DENND3: variants seen among roughly 807,000 people sequenced by gnomAD.
The protein encoded by DENND3 is DENN domain containing 3.
Under a neutral mutation model 135.1 loss-of-function variants are expected in DENND3, and 88 were observed. The ratio of observed to expected loss-of-function variants is 0.65; its 90% CI spans 0.55 to 0.78. The LOEUF (loss-of-function observed/expected upper bound fraction) is 0.78. Among genes scored for constraint, DENND3 ranks in the 30% least tolerant of loss-of-function variants. The pLI is 0.00. For synonymous variants in DENND3, 693 were observed against 712.3 expected (o/e 0.97, Z 0.43); for missense variants, 1,392 against 1,688.4 (o/e 0.82, Z 3.08).
Position 141,167,902 on chromosome 8 carries a change from G to T in DENND3, c.1754-102G>T. ...AGCACACCCATTCTCATTTTATTTTGCATCCAGAGAAACATTGTCCTTGAC... is the reference window on the plus strand; with the variant it reads ...AGCACACCCATTCTCATTTTATTTTTCATCCAGAGAAACATTGTCCTTGAC... On this transcript the variant is annotated intron_variant, in intron 12 of 22. Transcript: ENST00000519811. This position sits in a 1 kb window ranked among gnomAD's most constrained non-coding sequence, Gnocchi z 4.1. The T allele has an allele frequency of 6.8e-7, 1 of 1,472,582 alleles. No homozygotes were observed. The highest frequency in any genetic ancestry group is 9.2e-7 in the Non-Finnish European group (1 of 1,092,090). The allele number at this position is 1,472,582 out of a possible 1,614,324, so 91.2% of individuals were successfully genotyped here. A position where few individuals can be genotyped will look rare whatever the true frequency, so the allele number is the denominator to read the frequency against.
chr8:141,184,777 G>C, intron 17 of DENND3: 1 of 188,438 alleles, frequency 5.3e-6, no homozygotes, highest in South Asian at 1.4e-4. Context: ...CTCCCTCCCT[G>C]CCTCCCTCCC....
intron 10 of DENND3, among the ~76,000 whole-genome samples, chr8:141,164,233 G>A (rs1820492375): frequency 6.6e-6 from 1 of 152,202 alleles, no homozygotes; most frequent in Admixed American, 6.5e-5. Context: ...TTTTTTGCTA[G>A]GAATGTCCCG....
chr8:141,172,749 T>G (rs551175574), intron 13 of DENND3, among the ~76,000 whole-genome samples: 25 of 152,246 alleles, frequency 1.6e-4, no homozygotes, highest in African/African-American at 6.0e-4. Context: ...AACAAGTGCT[T>G]CTGCCTTAAA....
intron 5 of DENND3, among the ~76,000 whole-genome samples, chr8:141,149,796 A>G (rs961456129): frequency 2.0e-5 from 3 of 152,226 alleles, no homozygotes; most frequent in African/African-American, 7.2e-5. Flanking sequence ...CAACATTATA[A>G]CAAAACGATG....
Position 141,167,850 on chromosome 8 carries a change from G to C in DENND3, c.1754-154G>C, listed in dbSNP as rs1821007440. ...AGGGTTCTCTCATGCCTCCCAGGGGGGTGGGTGTGTGGAGCTTTCTGGAGG... is the reference window on the plus strand; with the variant it reads ...AGGGTTCTCTCATGCCTCCCAGGGGCGTGGGTGTGTGGAGCTTTCTGGAGG... On this transcript the variant is annotated intron_variant, in intron 12 of 22. Transcript: ENST00000519811. The surrounding 1 kb of genome is among the most constrained non-coding windows in gnomAD (Gnocchi z 4.1). Among the ~76,000 whole-genome samples the C allele has an allele frequency of 6.6e-6, 1 of 152,148 alleles. No individual in the cohort carries two copies. Among genetic ancestry groups the C allele is most frequent in the Admixed American group, 6.5e-5 (1 of 15,276 alleles).
rs1477172881 is a variant in DENND3 at position 141,168,319 on chromosome 8, G to A, written c.2069G>A (p.Gly690Glu). ...TCCATGTCTGCCCCTGAGTGGGAGG[G>A]GGCTGAGCAGGCGCCGGAGCTGATG... ...VESMSAPEWE[G>E]AEQAPELMRL... Residue 690 changes from glycine (G) to glutamate (E), a missense_variant, in exon 13 of 23, where the codon GGG (glycine) becomes GAG (glutamate). Gly to Glu is a moderately conservative substitution (Grantham distance 98). Coordinates refer to ENST00000519811, the MANE Select transcript of DENND3 (RefSeq NM_001352890.3). This position sits in a 1 kb window ranked among gnomAD's most constrained non-coding sequence, Gnocchi z 6.2. The A allele has an allele frequency of 6.2e-7, 1 of 1,614,032 alleles. No individual in the cohort carries two copies. The highest frequency in any genetic ancestry group is 8.5e-7 in the Non-Finnish European group (1 of 1,180,022).
At chr8:141,190,869 G>A (rs1460452640) in intron 20 of DENND3, among the ~76,000 whole-genome samples, 1 of 152,214 alleles carries the variant, frequency 6.6e-6, no homozygotes, top group African/African-American at 2.4e-5. Context: ...ACTCTCCGTG[G>A]ACCCAGACTG....
At position 141,166,187 on chromosome 8, in the gene DENND3, C is replaced by A. The variant is rs775184886; in HGVS notation, c.1554-3C>A. On this transcript the variant is annotated splice_region_variant and splice_polypyrimidine_tract_variant and intron_variant, in intron 11 of 22. Transcript: ENST00000519811. This position sits in a 1 kb window ranked among gnomAD's most constrained non-coding sequence, Gnocchi z 4.3. ...ACTAACGCGTTGCTTTTTCGTACCC[C>A]AGAATAAATGGAATGCTTCTAAGTC... The A allele has an allele frequency of 6.2e-7, 1 of 1,613,674 alleles. No individual in the cohort carries two copies. Among genetic ancestry groups the A allele is most frequent in the South Asian group, 1.1e-5 (1 of 90,994 alleles).
At position 141,128,962 on chromosome 8, in the gene DENND3, C is replaced by A. The variant is rs1316299583; in HGVS notation, c.102+153C>A. On this transcript the variant is annotated intron_variant, in intron 1 of 22. Transcript: ENST00000519811. This position sits in a 1 kb window ranked among gnomAD's most constrained non-coding sequence, Gnocchi z 4.5. ...GGCGGTGACCCCGCGCGCCTGTGGCCGGGGATCGCGCCCGAGCTCAGGCAG... is the reference window on the plus strand; with the variant it reads ...GGCGGTGACCCCGCGCGCCTGTGGCAGGGGATCGCGCCCGAGCTCAGGCAG... 6.6e-6 allele frequency among the ~76,000 whole-genome samples: 1 copy of A among 152,200 alleles called. No individual in the cohort carries two copies. Among genetic ancestry groups the A allele is most frequent in the African/African-American group, 2.4e-5 (1 of 41,452 alleles).
At position 141,175,608 on chromosome 8, in the gene DENND3, C is replaced by A; in HGVS notation, c.2535+149C>A. The stretch of plus-strand genomic sequence containing the variant: ...ATGCCTTCCTGTCCCTCAGTTTGCT[C>A]ATCTGTAAAGTAGGAATAAGGCTGA... On this transcript the variant is annotated intron_variant, in intron 14 of 22. Transcript: ENST00000519811. The surrounding 1 kb of genome is among the most constrained non-coding windows in gnomAD (Gnocchi z 5.4). 8.0e-7 allele frequency: 1 copy of A among 1,251,672 alleles called. No individual in the cohort carries two copies. Among genetic ancestry groups the A allele is most frequent in the Non-Finnish European group, 1.1e-6 (1 of 879,688 alleles). The allele number at this position is 1,251,672 out of a possible 1,614,324, so 77.5% of individuals were successfully genotyped here.
rs371901115 is a variant in DENND3, at chr8:141,136,649, G to A, written c.243G>A (p.Met81Ile). The A allele has an allele frequency of 1.3e-5, 21 of 1,612,550 alleles. No individual in the cohort carries two copies. In the South Asian group the frequency reaches 1.4e-4, roughly 11 times the overall value. The change falls in exon 2 of 23, where the codon ATG (methionine) becomes ATA (isoleucine). Residue 81 changes from methionine (M) to isoleucine (I), a missense_variant. Physicochemically the swap from Met to Ile is conservative, Grantham distance 10. Coordinates refer to ENST00000519811, the MANE Select transcript of DENND3 (RefSeq NM_001352890.3). ...ANCGTLGKTR[M>I]RSLRKKREKP... ...GCGGCACTCTCGGTAAAACCCGGAT[G>A]CGCTCCTTGAGAAAGAAGAGAGAGA...
chr8:141,161,725 G>A (rs1820148410), intron 9 of DENND3, among the ~76,000 whole-genome samples: 1 of 152,090 alleles, frequency 6.6e-6, no homozygotes, highest in Non-Finnish European at 1.5e-5. Context: ...TCCGCTTTGG[G>A]AGGTGGTTAG....
At chr8:141,159,039 T>C (rs1819802530) in intron 8 of DENND3, among the ~76,000 whole-genome samples, 1 of 152,248 alleles carries the variant, frequency 6.6e-6, no homozygotes, top group African/African-American at 2.4e-5. Flanking sequence ...GCCAGTTTGG[T>C]GCTGGTAAAC....
rs1024851938 is a variant in DENND3, at chr8:141,146,127, T to A, written c.735+1868T>A. On this transcript the variant is annotated intron_variant, in intron 5 of 22. Coordinates refer to ENST00000519811, the MANE Select transcript of DENND3 (RefSeq NM_001352890.3). This position sits in a 1 kb window ranked among gnomAD's most constrained non-coding sequence, Gnocchi z 4.3. ...CTCCCGAAGTGCTGGGATTACAGCGTGAGCCACCGCGCCCGCCCTGGATAT... is the reference window on the plus strand; with the variant it reads ...CTCCCGAAGTGCTGGGATTACAGCGAGAGCCACCGCGCCCGCCCTGGATAT... Among the ~76,000 whole-genome samples, 1 of 152,148 alleles carries A rather than the reference T, an allele frequency of 6.6e-6. No homozygotes were observed. The highest frequency in any genetic ancestry group is 1.5e-5 in the Non-Finnish European group (1 of 68,014).
intron 16 of DENND3, among the ~76,000 whole-genome samples, chr8:141,179,124 A>G (rs1455174542): frequency 6.6e-6 from 1 of 152,216 alleles, no homozygotes; most frequent in Non-Finnish European, 1.5e-5. Context: ...GGCATCTGTC[A>G]CCAACTGCAG....
At chr8:141,189,978 A>G (rs565376753) in intron 19 of DENND3, among the ~76,000 whole-genome samples, 1 of 152,296 alleles carries the variant, frequency 6.6e-6, no homozygotes, top group South Asian at 2.1e-4. Flanking sequence ...ACAACACCTC[A>G]TTGAGCCTGC....
chr8:141,165,464 C>CG (rs1820660264), intron 11 of DENND3, among the ~76,000 whole-genome samples, 175 bp downstream of exon 11: 6 of 139,396 alleles, frequency 4.3e-5, no homozygotes, highest in African/African-American at 1.6e-4. Context: ...TCTACTTCTT[C>CG]TTTTTTTTTT....
At chr8:141,176,913 GA>G in intron 15 of DENND3, 152 bp downstream of exon 15, 1 of 828,394 alleles carries the variant, frequency 1.2e-6, no homozygotes, top group Non-Finnish European at 1.9e-6. Flanking sequence ...CATCTTGACA[GA>G]AGCATTGAAG....
intron 18 of DENND3, among the ~76,000 whole-genome samples, chr8:141,186,221 G>GCAGTGTTTCCTGGGAACCC (rs1823871603): frequency 6.6e-6 from 1 of 152,152 alleles, no homozygotes; most frequent in African/African-American, 2.4e-5. Flanking sequence ...AAATGAACCT[G>GCAGTGTTTCCTGGGAACCC]CAGTGTTTCC....
Sources: allele counts gnomAD v4.1 joint callset (sites outside exome capture counted in the v4.1 genomes callset), GRCh38; gene constraint gnomAD v4.1.1; non-coding constraint Gnocchi (gnomAD v3.1); transcripts MANE v1.5; gene names NCBI Gene and HGNC (gene_info 2026-07-23, HGNC 2026-07-21).